The following ZNF563 variants were observed in gnomAD, a reference collection of about 807,000 sequenced individuals.
ZNF563 encodes the protein zinc finger protein 563.
Under a neutral mutation model 48.5 loss-of-function variants are expected in ZNF563, and 39 were observed. That is an observed-to-expected ratio of 0.80 (90% CI 0.62 to 1.05). The LOEUF is 1.05. Ranked by LOEUF, ZNF563 falls within the 50% of genes least tolerant of loss-of-function variation. The pLI is 0.00. For synonymous variants in ZNF563, 168 were observed against 187.9 expected, an observed-to-expected ratio of 0.89 and a Z score of 0.87; for missense variants, 538 against 597.0, an observed-to-expected ratio of 0.90 and a Z score of 1.03.
chr19:12,335,984 G>A (rs919272267), upstream of ZNF563, among the ~76,000 whole-genome samples: 3 of 152,164 alleles, frequency 2.0e-5, no homozygotes, highest in Non-Finnish European at 2.9e-5. Flanking sequence ...GGGCAAAAGG[G>A]AATGTTCCCC....
In ZNF563 at chr19:12,319,709, CG is replaced by C; in HGVS notation, c.315del (p.Ser105ArgfsTer8). On this transcript the variant is annotated frameshift_variant, in exon 4 of 4. Coordinates refer to ENST00000293725, the MANE Select transcript of ZNF563 (RefSeq NM_145276.3). LOFTEE classifies it high-confidence loss of function. The stretch of plus-strand genomic sequence containing the variant: ...CCCATTATGACTTCTTCACACTCAG[CG>C]CTTTGACATGGATCTTCTCCAGGAC... Reference protein sequence around the residue: ...SICPGEDPCQSAECEEVIMGH... With the variant: ...SICPGEDPCQXAECEEVIMGH... The C allele has an allele frequency of 3.1e-6, 5 of 1,614,122 alleles. No individual in the cohort carries two copies. The highest frequency in any genetic ancestry group is 4.2e-6 in the Non-Finnish European group (5 of 1,180,026).
intron 1 of ZNF563, among the ~76,000 whole-genome samples, chr19:12,326,389 A>G (rs1968796336): frequency 6.6e-6 from 1 of 152,216 alleles, no homozygotes; most frequent in Admixed American, 6.5e-5. Context: ...CACGCCTGTA[A>G]TCCCAGCACT....
At chr19:12,343,725 CTTTTTTT>C in the ZNF563 span, among the ~76,000 whole-genome samples, 9 of 110,886 alleles carry the variant, frequency 8.1e-5, no homozygotes, top group Non-Finnish European at 1.2e-4. Flanking sequence ...AGCATAAATT[CTTTTTTT>C]TTTTTTTTTT....
chr19:12,333,513 C>A lies in ZNF563; in HGVS notation c.-31G>T, dbSNP rs1324970614. 2 of 1,613,276 alleles carry A rather than the reference C, an allele frequency of 1.2e-6. No individual in the cohort carries two copies. Among genetic ancestry groups the A allele is most frequent in the Non-Finnish European group, 1.7e-6 (2 of 1,179,632 alleles). The stretch of plus-strand genomic sequence containing the variant: ...GGCTTCCGGGATGTTCCAGGGTCCT[C>A]CCTCTGCCTCCCGCTGCCAGTGCGG... On this transcript the variant is annotated 5_prime_UTR_variant, in exon 1 of 4. Transcript: ENST00000293725.
chr19:12,325,621 T>G (rs1435274085), intron 1 of ZNF563, among the ~76,000 whole-genome samples: 1 of 152,174 alleles, frequency 6.6e-6, no homozygotes, highest in Non-Finnish European at 1.5e-5. Context: ...AAAGAACATA[T>G]TTTCATAGAA....
At chr19:12,325,627 T>G (rs949394586) in intron 1 of ZNF563, among the ~76,000 whole-genome samples, 7 of 152,198 alleles carry the variant, frequency 4.6e-5, no homozygotes, top group African/African-American at 1.4e-4. Flanking sequence ...CATATTTTCA[T>G]AGAAGATGTG....
chr19:12,319,734 ACAAATG>A lies in ZNF563; in HGVS notation c.285_290del (p.Ile96_Cys97del). 1 of 1,614,200 alleles carries A rather than the reference ACAAATG, an allele frequency of 6.2e-7. No individual in the cohort carries two copies. The highest frequency in any genetic ancestry group is 1.6e-4 in the Middle Eastern group (1 of 6,062). On this transcript the variant is annotated inframe_deletion, in exon 4 of 4. Coordinates refer to ENST00000293725, the MANE Select transcript of ZNF563 (RefSeq NM_145276.3). ...CGCTTTGACATGGATCTTCTCCAGG[ACAAATG>A]CTGTTGTTCACAATACTATCTCGAA...
upstream of ZNF563, among the ~76,000 whole-genome samples, chr19:12,335,018 G>A (rs1287020185): frequency 6.6e-6 from 1 of 152,010 alleles, no homozygotes; most frequent in Non-Finnish European, 1.5e-5. Flanking sequence ...GGAGGCGTGC[G>A]CAGGCTGCTG....
chr19:12,343,725 C>CTTTTTTT, the ZNF563 span, among the ~76,000 whole-genome samples: 4 of 110,864 alleles, frequency 3.6e-5, no homozygotes, highest in Non-Finnish European at 5.3e-5. Flanking sequence ...AGCATAAATT[C>CTTTTTTT]TTTTTTTTTT....
the ZNF563 span, among the ~76,000 whole-genome samples, chr19:12,344,212 G>A: frequency 6.6e-6 from 1 of 151,924 alleles, no homozygotes; most frequent in Non-Finnish European, 1.5e-5. Flanking sequence ...GAGCAACATG[G>A]CAAAACCCTG....
intron 1 of ZNF563, among the ~76,000 whole-genome samples, chr19:12,331,612 A>C (rs1354239087): frequency 6.6e-6 from 1 of 152,164 alleles, no homozygotes; most frequent in Non-Finnish European, 1.5e-5. Context: ...AACTTTTTAC[A>C]AGAGGATACC....
At chr19:12,344,789 G>T in the ZNF563 span, among the ~76,000 whole-genome samples, 1 of 152,238 alleles carries the variant, frequency 6.6e-6, no homozygotes, top group East Asian at 1.9e-4. Flanking sequence ...TGTGTTTACA[G>T]ATTACATGAT....
At chr19:12,346,377 C>G in the ZNF563 span, 1 of 151,938 alleles carries the variant, frequency 6.6e-6, no homozygotes, top group Non-Finnish European at 1.5e-5. Flanking sequence ...AAATGCAAAT[C>G]AAAACCACAA....
chr19:12,342,323 TG>T, the ZNF563 span, among the ~76,000 whole-genome samples: 116 of 152,156 alleles, frequency 7.6e-4, no homozygotes, highest in Non-Finnish European at 8.2e-4. Context: ...TGGCCTCAGA[TG>T]TATATTTTTC....
the ZNF563 span, among the ~76,000 whole-genome samples, chr19:12,338,798 G>A: frequency 6.6e-6 from 1 of 152,120 alleles, no homozygotes; most frequent in African/African-American, 2.4e-5. Flanking sequence ...GTCGCGGTGA[G>A]CCAAGATCAC....
At chr19:12,347,242 C>A in the ZNF563 span, 1 of 152,144 alleles carries the variant, frequency 6.6e-6, no homozygotes, top group Non-Finnish European at 1.5e-5. Context: ...TACAGTCAAC[C>A]CTTTTTCCTT....
chr19:12,334,958 C>T (rs1354868875), upstream of ZNF563, among the ~76,000 whole-genome samples: 3 of 151,158 alleles, frequency 2.0e-5, no homozygotes, highest in East Asian at 5.8e-4. Flanking sequence ...CCAGATTTTC[C>T]TAACACATAA....
upstream of ZNF563, among the ~76,000 whole-genome samples, chr19:12,336,304 A>G (rs1027551966): frequency 1.2e-4 from 19 of 152,080 alleles, no homozygotes; most frequent in Admixed American, 1.2e-3. Flanking sequence ...CCTCAAAAAC[A>G]AAACAAGGCC....
chr19:12,318,709 T>C lies in ZNF563; in HGVS notation c.1316A>G (p.His439Arg), dbSNP rs776098299. 15 of 1,614,238 alleles carry C rather than the reference T, an allele frequency of 9.3e-6. No homozygotes were observed. Among genetic ancestry groups the C allele is most frequent in the East Asian group, 2.2e-5 (1 of 44,886 alleles). ...CCCATCTCCCGTATGCATTACCATA[T>C]GTCTTCGAAAGCTTGAGCTATGAGA... Reference protein sequence around the residue: ...ALSHSSSFRRHMVMHTGDGPN... With the variant: ...ALSHSSSFRRRMVMHTGDGPN... Residue 439 changes from histidine to arginine, a missense_variant, in exon 4 of 4, where the codon CAT (histidine) becomes CGT (arginine). Physicochemically the swap from His to Arg is conservative, Grantham distance 29. Coordinates refer to ENST00000293725, the MANE Select transcript of ZNF563 (RefSeq NM_145276.3).
Sources: allele counts gnomAD v4.1 joint callset (sites outside exome capture counted in the v4.1 genomes callset), GRCh38; gene constraint gnomAD v4.1.1; transcripts MANE v1.5; gene names NCBI Gene and HGNC (gene_info 2026-07-23, HGNC 2026-07-21).